FREM2: variants seen among roughly 807,000 people sequenced by gnomAD.
The protein encoded by FREM2 is FRAS1 related extracellular matrix 2, also known as FRAS1-related extracellular matrix protein 2.
In FREM2, 119 loss-of-function variants were observed where a neutral mutation model predicts 219.9. The observed-to-expected ratio is 0.54, with a 90% CI of 0.47 to 0.63. The LOEUF (loss-of-function observed/expected upper bound fraction) is 0.63, where lower values mean the gene tolerates loss of function less well. Ranked by LOEUF, FREM2 falls within the 30% of genes least tolerant of loss-of-function variation. FREM2 has a pLI of 0.00. For synonymous variants in FREM2, 1,562 were observed against 1,522.8 expected (o/e 1.03, Z -0.60); for missense variants, 4,030 against 3,993.6 (o/e 1.01, Z -0.25).
At position 38,757,603 on chromosome 13, in the gene FREM2, C is replaced by CT. The variant is rs1180373134; in HGVS notation, c.5264-6691dup. ...TCATGCCACTCCTCTTTTTTTTTCT[C>CT]TTTTTTTTTTACATGATGTCTTGCT... On this transcript the variant is annotated intron_variant, in intron 2 of 23. Coordinates refer to ENST00000280481, the MANE Select transcript of FREM2 (RefSeq NM_207361.6). Among the ~76,000 whole-genome samples the CT allele has an allele frequency of 7.3e-3, 1,081 of 147,568 alleles. 13 individuals carry two copies. The highest frequency in any genetic ancestry group is 0.025 in the African/African-American group (988 of 40,226).
chr13:38,705,645 T>C (rs1870509870), intron 2 of FREM2, among the ~76,000 whole-genome samples: 1 of 152,168 alleles, frequency 6.6e-6, no homozygotes. Flanking sequence ...ACCTAGCTAA[T>C]AGGGTTCTTT....
chr13:38,881,293 A>T lies in FREM2; in HGVS notation c.*506A>T. 1 of 183,526 alleles carries T rather than the reference A, an allele frequency of 5.4e-6. No homozygotes were observed. Among genetic ancestry groups the T allele is most frequent in the Admixed American group, 5.5e-5 (1 of 18,266 alleles). 11.4% of individuals were successfully genotyped at this position (183,526 alleles called of 1,614,324 possible). A position where few individuals can be genotyped will look rare whatever the true frequency, so the allele number is the denominator to read the frequency against. On this transcript the variant is annotated 3_prime_UTR_variant, in exon 24 of 24. Coordinates refer to ENST00000280481, the MANE Select transcript of FREM2 (RefSeq NM_207361.6). ...AAGTTTTCAAATAGGTGAAGACAGC[A>T]TAGAATTATGACCAGGGTGGCTCAA...
At chr13:38,717,405 A>G (rs2090136005) in intron 2 of FREM2, among the ~76,000 whole-genome samples, 2 of 137,110 alleles carry the variant, frequency 1.5e-5, no homozygotes, top group Non-Finnish European at 3.1e-5. Context: ...AGAATTTTAC[A>G]TAAGTACTTT....
In FREM2 at chr13:38,758,206, G is replaced by C. The variant is rs906347604; in HGVS notation, c.5264-6098G>C. ...TCCAATCTCCTAAATAGGAGGAGAA[G>C]GAATTAAATATTTAGTAAATGTCCT... On this transcript the variant is annotated intron_variant, in intron 2 of 23. Transcript: ENST00000280481. Among the ~76,000 whole-genome samples the C allele has an allele frequency of 5.9e-5, 9 of 152,222 alleles. No individual in the cohort carries two copies. The South Asian group carries it at 1.9e-3, about 32-fold the overall frequency.
At chr13:38,875,786 GGAATCA>G in intron 18 of FREM2, among the ~76,000 whole-genome samples, 1 of 152,150 alleles carries the variant, frequency 6.6e-6, no homozygotes, top group African/African-American at 2.4e-5. Context: ...TACTGAAGTA[GGAATCA>G]GAAAGTCACA....
chr13:38,731,395 T>C (rs963220917), intron 2 of FREM2, among the ~76,000 whole-genome samples: 19 of 152,222 alleles, frequency 1.2e-4, no homozygotes, highest in African/African-American at 4.3e-4. Context: ...CCAGTGAATA[T>C]TGGCCAAGAA....
At chr13:38,791,812 T>A (rs1260339503) in intron 6 of FREM2, among the ~76,000 whole-genome samples, 2 of 152,200 alleles carry the variant, frequency 1.3e-5, no homozygotes, top group African/African-American at 4.8e-5. Context: ...CATATTTATT[T>A]CATTTGGCTT....
rs115446826 is a variant in FREM2 at position 38,689,477 on chromosome 13, G to C, written c.2133G>C (p.Met711Ile). 1 of 1,613,914 alleles carries C rather than the reference G, an allele frequency of 6.2e-7. No homozygotes were observed. Among genetic ancestry groups the C allele is most frequent in the African/African-American group, 1.3e-5 (1 of 74,880 alleles). Residue 711 changes from methionine to isoleucine, a missense_variant, in exon 1 of 24, where the codon ATG becomes ATC. By Grantham distance (10) the Met-to-Ile change is conservative (BLOSUM62 1). Around this residue, in one of 2 missense-constraint regions of FREM2, gnomAD observed 3,102 missense variants for 2,950.7 expected, o/e 1.05. Transcript: ENST00000280481. ...PELGSGCPLR[M>I]VVQESQLTPL... ...TGGGCAGTGGCTGTCCCCTTCGTAT[G>C]GTGGTACAGGAATCCCAGCTCACAC...
intron 2 of FREM2, among the ~76,000 whole-genome samples, chr13:38,751,248 T>C (rs1374678627): frequency 6.6e-6 from 1 of 150,508 alleles, no homozygotes; most frequent in Admixed American, 6.6e-5. Context: ...GCTGTACCAA[T>C]TTACATTCAC....
intron 21 of FREM2, 53 bp downstream of exon 21, chr13:38,877,296 GC>G: frequency 6.2e-7 from 1 of 1,603,962 alleles, no homozygotes; most frequent in Non-Finnish European, 8.5e-7. Context: ...TATCTTTTGT[GC>G]TTTGCTTTTT....
intron 2 of FREM2, among the ~76,000 whole-genome samples, chr13:38,740,068 A>G (rs1162095767): frequency 8.3e-6 from 1 of 120,448 alleles, no homozygotes; most frequent in Non-Finnish European, 1.7e-5. Flanking sequence ...CAAAGCCAAA[A>G]ATTTCATATT....
At chr13:38,816,278 A>G (rs945939961) in intron 6 of FREM2, among the ~76,000 whole-genome samples, 7 of 152,182 alleles carry the variant, frequency 4.6e-5, no homozygotes, top group African/African-American at 1.7e-4. Flanking sequence ...TCACATAACA[A>G]CAAAGAAAAA....
intron 6 of FREM2, among the ~76,000 whole-genome samples, chr13:38,818,714 G>A (rs954296450): frequency 6.6e-6 from 1 of 152,026 alleles, no homozygotes; most frequent in East Asian, 1.9e-4. Flanking sequence ...TGTAATCCCA[G>A]CACTTTGGGA....
chr13:38,754,273 A>T (rs573495906), intron 2 of FREM2, among the ~76,000 whole-genome samples: 58 of 152,136 alleles, frequency 3.8e-4, no homozygotes, highest in Non-Finnish European at 7.5e-4. Flanking sequence ...TTTGTCACAT[A>T]ATACTTATCA....
intron 2 of FREM2, among the ~76,000 whole-genome samples, chr13:38,703,275 G>T (rs1344591310): frequency 6.6e-6 from 1 of 152,128 alleles, no homozygotes; most frequent in African/African-American, 2.4e-5. Context: ...AGCATTAAAA[G>T]ATTATACAGA....
intron 6 of FREM2, among the ~76,000 whole-genome samples, chr13:38,822,347 CTTTTTTTTTTTTTTT>C (rs951562767): frequency 2.0e-5 from 2 of 100,050 alleles, no homozygotes; most frequent in Non-Finnish European, 4.5e-5. Flanking sequence ...TTCTTTCTTT[CTTTTTTTTTTTTTTT>C]TTTTTTTTTA....
intron 4 of FREM2, among the ~76,000 whole-genome samples, chr13:38,778,685 C>A (rs1157485258): frequency 6.6e-6 from 1 of 152,116 alleles, no homozygotes; most frequent in Non-Finnish European, 1.5e-5. Context: ...GGAAAAATAA[C>A]CAATGAGTAC....
At chr13:38,791,549 C>T (rs1193122748) in intron 6 of FREM2, among the ~76,000 whole-genome samples, 1 of 152,152 alleles carries the variant, frequency 6.6e-6, no homozygotes, top group African/African-American at 2.4e-5. Context: ...AGGAAACTTA[C>T]AATCATGGCA....
At chr13:38,813,496 CT>C (rs1414466701) in intron 6 of FREM2, among the ~76,000 whole-genome samples, 118 of 15,958 alleles carry the variant, frequency 7.4e-3, no homozygotes, top group African/African-American at 0.026. Flanking sequence ...CTCTCTCTCT[CT>C]CTCTCTCTCT....
Sources: gnomAD v4.1 joint callset for allele counts (sites outside exome capture counted in the v4.1 genomes callset) on GRCh38, gnomAD v4.1.1 for gene constraint, gnomAD v4.1.1 regional missense constraint, MANE v1.5 for transcripts, NCBI Gene and HGNC (gene_info 2026-07-23, HGNC 2026-07-21) for gene names.